SCAPER: variants seen among roughly 807,000 people sequenced by gnomAD.
SCAPER encodes S phase cyclin A-associated protein in the endoplasmic reticulum.
A neutral mutation model predicts 182.2 loss-of-function variants in SCAPER; 98 were observed. The ratio of observed to expected loss-of-function variants is 0.54; its 90% confidence interval spans 0.46 to 0.64. SCAPER has a LOEUF of 0.64. Ranked by LOEUF, SCAPER falls within the 30% of genes least tolerant of loss-of-function variation. The pLI, the probability that SCAPER is intolerant of heterozygous loss-of-function variation, is 0.00. For synonymous variants in SCAPER, 605 were observed against 564.6 expected, an observed-to-expected ratio of 1.07 and a Z score of -1.01; for missense variants, 1,432 against 1,690.0, an observed-to-expected ratio of 0.85 and a Z score of 2.68.
At chr15:76,649,110 G>C (rs948672145) in intron 21 of SCAPER, among the ~76,000 whole-genome samples, 3 of 62,648 alleles carry the variant, frequency 4.8e-5, no homozygotes, top group South Asian at 9.1e-4. Context: ...GCAGGAGAGA[G>C]AGCTGTTCTC....
At chr15:76,654,964 T>G (rs1185162779) in intron 21 of SCAPER, among the ~76,000 whole-genome samples, 1 of 152,244 alleles carries the variant, frequency 6.6e-6, no homozygotes, top group Non-Finnish European at 1.5e-5. Flanking sequence ...AAAGAACTAG[T>G]GCAAGAACTA....
chr15:76,408,970 C>T (rs146989749), intron 26 of SCAPER, among the ~76,000 whole-genome samples: 108 of 152,216 alleles, frequency 7.1e-4, no homozygotes, highest in African/African-American at 2.5e-3. Context: ...CCAAGGCAAA[C>T]TGAAACAACC....
chr15:76,765,350 G>C lies in SCAPER; in HGVS notation c.1600C>G (p.Pro534Ala). The part of the protein sequence containing the change: ...GIHMHEKLSS[P>A]SRKRTIAESK... ...CAAATGCCAGACCTTTTACGAGAGG[G>C]TGAAGAAAGTTTTTCATGCATGTGA... Residue 534 changes from proline to alanine, a missense_variant, in exon 13 of 32, where the codon CCC becomes GCC. By Grantham distance (27) the Pro-to-Ala change is conservative. Coordinates refer to ENST00000563290, the MANE Select transcript of SCAPER (RefSeq NM_020843.4). 2 of 1,612,262 alleles carry C rather than the reference G, an allele frequency of 1.2e-6. No homozygotes were observed. Among genetic ancestry groups the C allele is most frequent in the Non-Finnish European group, 1.7e-6 (2 of 1,178,716 alleles).
chr15:76,369,614 T>C (rs531912202), intron 29 of SCAPER, among the ~76,000 whole-genome samples: 27 of 152,346 alleles, frequency 1.8e-4, no homozygotes, highest in African/African-American at 6.5e-4. Flanking sequence ...CTAAGGCCAG[T>C]GCTGAAAACT....
intron 25 of SCAPER, among the ~76,000 whole-genome samples, chr15:76,468,667 T>C (rs1375676554): frequency 6.6e-6 from 1 of 152,152 alleles, no homozygotes; most frequent in Non-Finnish European, 1.5e-5. Flanking sequence ...TGAATATCTT[T>C]CTCTGTGCTC....
intron 1 of SCAPER, among the ~76,000 whole-genome samples, chr15:76,897,008 C>G (rs565078629): frequency 2.6e-5 from 4 of 152,132 alleles, no homozygotes; most frequent in African/African-American, 9.6e-5. Flanking sequence ...AATCCATATC[C>G]CAAGTCTGCC....
chr15:76,901,505 G>T (rs575548237), intron 1 of SCAPER, among the ~76,000 whole-genome samples: 2 of 152,190 alleles, frequency 1.3e-5, no homozygotes, highest in East Asian at 3.9e-4. Context: ...TAGTGAGGAG[G>T]TAACTTTTAT....
At chr15:76,799,663 C>A (rs1430620034) in intron 7 of SCAPER, among the ~76,000 whole-genome samples, 2 of 152,162 alleles carry the variant, frequency 1.3e-5, no homozygotes, top group Non-Finnish European at 2.9e-5. Flanking sequence ...ACCAAGAATG[C>A]AACATCTTGA....
At chr15:76,405,041 G>C (rs929695056) in intron 26 of SCAPER, among the ~76,000 whole-genome samples, 3 of 150,880 alleles carry the variant, frequency 2.0e-5, no homozygotes, top group Non-Finnish European at 4.4e-5. Context: ...GTACTAGGTA[G>C]CCCCAATGCA....
At chr15:76,668,363 A>G (rs1476062095) in intron 20 of SCAPER, among the ~76,000 whole-genome samples, 1 of 152,104 alleles carries the variant, frequency 6.6e-6, no homozygotes, top group Non-Finnish European at 1.5e-5. Context: ...CCTTTTATCA[A>G]AACTTACATT....
intron 24 of SCAPER, among the ~76,000 whole-genome samples, chr15:76,483,836 T>A (rs2051358143): frequency 6.6e-6 from 1 of 152,138 alleles, no homozygotes. Flanking sequence ...CCAAAGTACT[T>A]GACATCAGAA....
At chr15:76,791,091 ATTATCT>A (rs1163120603) in intron 8 of SCAPER, among the ~76,000 whole-genome samples, 1 of 152,226 alleles carries the variant, frequency 6.6e-6, no homozygotes, top group African/African-American at 2.4e-5. Context: ...AAATTTGGGC[ATTATCT>A]AACTATATTC....
At chr15:76,785,184 G>GA (rs1174290662) in intron 8 of SCAPER, among the ~76,000 whole-genome samples, 1 of 151,852 alleles carries the variant, frequency 6.6e-6, no homozygotes. Flanking sequence ...AAATTTACAA[G>GA]AAAAAAACAA....
At chr15:76,805,750 G>C (rs949394918) in intron 5 of SCAPER, among the ~76,000 whole-genome samples, 7 of 151,952 alleles carry the variant, frequency 4.6e-5, no homozygotes, top group African/African-American at 1.7e-4. Context: ...TCTGTTTTTA[G>C]TAGAGACGGG....
At chr15:76,724,938 T>C (rs897464835) in intron 17 of SCAPER, among the ~76,000 whole-genome samples, 2 of 152,154 alleles carry the variant, frequency 1.3e-5, no homozygotes, top group Admixed American at 1.3e-4. Flanking sequence ...TCAAAGTCAT[T>C]CTCCGTCCAG....
At chr15:76,856,109 T>C (rs941845239) in intron 4 of SCAPER, among the ~76,000 whole-genome samples, 3 of 152,194 alleles carry the variant, frequency 2.0e-5, no homozygotes, top group African/African-American at 7.2e-5. Flanking sequence ...AACAAGATCA[T>C]GTATTTTGCT....
chr15:76,783,997 C>A (rs1258092419), intron 8 of SCAPER, among the ~76,000 whole-genome samples: 5 of 152,188 alleles, frequency 3.3e-5, no homozygotes, highest in African/African-American at 1.2e-4. Flanking sequence ...CTCTTTCTCA[C>A]CACTCCTCTT....
intron 20 of SCAPER, among the ~76,000 whole-genome samples, chr15:76,675,497 G>C (rs1244472254): frequency 6.6e-6 from 1 of 152,172 alleles, no homozygotes; most frequent in African/African-American, 2.4e-5. Context: ...GTTCTCTTAT[G>C]TCTGAGGCTA....
chr15:76,544,993 T>A (rs1364085154), intron 23 of SCAPER, among the ~76,000 whole-genome samples: 2 of 152,170 alleles, frequency 1.3e-5, no homozygotes, highest in African/African-American at 2.4e-5. Flanking sequence ...ACTACTTGGC[T>A]ACCCTGAAAT....
Sources: allele counts gnomAD v4.1 joint callset (sites outside exome capture counted in the v4.1 genomes callset), GRCh38; gene constraint gnomAD v4.1.1; transcripts MANE v1.5; gene names NCBI Gene and HGNC (gene_info 2026-07-23, HGNC 2026-07-21).